Variants in NHSL2 observed in about 807,000 individuals in gnomAD.
The protein encoded by NHSL2 is NHS like 2.
A neutral mutation model predicts 53.4 loss-of-function variants in NHSL2; 27 were observed. That is an observed-to-expected ratio of 0.51 (90% CI 0.37 to 0.70). The LOEUF (loss-of-function observed/expected upper bound fraction) is 0.70, where lower values mean the gene tolerates loss of function less well. Among genes scored for constraint, NHSL2 ranks in the 30% least tolerant of loss-of-function variants. The pLI is 0.00. For missense variants in NHSL2, 892 were observed against 980.1 expected, an observed-to-expected ratio of 0.91 and a Z score of 1.20; for synonymous variants, 408 against 404.1, an observed-to-expected ratio of 1.01 and a Z score of -0.12.
At chrX:72,017,400 T>C (rs1434372656) in intron 1 of NHSL2, among the ~76,000 whole-genome samples, 1 of 112,745 alleles carries the variant, frequency 8.9e-6, no homozygotes, top group African/African-American at 3.2e-5. Flanking sequence ...GCTGCACAGG[T>C]GTTGATGCCT....
In NHSL2 at chrX:72,144,704, G is replaced by GCGCACA. The variant is rs1447345088; in HGVS notation, c.*1131_*1132insGCACAC. 1 of 147,443 alleles carries GCGCACA rather than the reference G, an allele frequency of 6.8e-6. No homozygotes were observed. The highest frequency in any genetic ancestry group is 3.7e-5 in the African/African-American group (1 of 27,234). The allele number at this position is 147,443 out of a possible 1,213,427, so 12.2% of individuals were successfully genotyped here. A position where few individuals can be genotyped will look rare whatever the true frequency, so the allele number is the denominator to read the frequency against. On this transcript the variant is annotated 3_prime_UTR_variant, in exon 8 of 8. Transcript: ENST00000633930. Reference sequence around the variant, plus strand: ...CTTGCCAGTTGCTATGGCCCATAATGCACACACACACACACACACACACAC... The same window carrying GCGCACA: ...CTTGCCAGTTGCTATGGCCCATAATGCGCACACACACACACACACACACACACACAC...
chrX:72,035,613 TC>T lies in NHSL2; in HGVS notation c.281-96463del, dbSNP rs770403274. 4.5e-5 allele frequency among the ~76,000 whole-genome samples: 5 copies of T among 111,959 alleles called. No homozygotes were observed. The South Asian group carries it at 1.8e-3, about 41-fold the overall frequency. The stretch of plus-strand genomic sequence containing the variant: ...TATCTACCTTTATGCCCTTTTAGCC[TC>T]CCTTATTTATAATTATCTTAAATAT... On this transcript the variant is annotated intron_variant, in intron 1 of 7. Coordinates refer to ENST00000633930, the MANE Select transcript of NHSL2 (RefSeq NM_001013627.3).
intron 1 of NHSL2, among the ~76,000 whole-genome samples, chrX:71,920,954 G>A (rs1406315008): frequency 1.8e-5 from 2 of 108,612 alleles, no homozygotes; most frequent in African/African-American, 3.3e-5. Context: ...ACAGGTACCC[G>A]CCACCATGCC....
chrX:72,003,016 A>G (rs951755976), intron 1 of NHSL2, among the ~76,000 whole-genome samples: 2 of 110,172 alleles, frequency 1.8e-5, no homozygotes, highest in African/African-American at 6.6e-5. Flanking sequence ...GCGCACAGAG[A>G]TTGTGCTATT....
At chrX:71,925,295 C>T (rs1217438667) in intron 1 of NHSL2, among the ~76,000 whole-genome samples, 1 of 111,686 alleles carries the variant, frequency 9.0e-6, no homozygotes, top group East Asian at 2.8e-4. Context: ...TTAGGTTTCC[C>T]ACCAGACTCC....
chrX:72,048,517 A>T (rs2042318373), intron 1 of NHSL2, among the ~76,000 whole-genome samples: 1 of 110,023 alleles, frequency 9.1e-6, no homozygotes, highest in South Asian at 4.0e-4. Context: ...AAAAGGTGAC[A>T]TAATGCCACT....
In NHSL2 at chrX:71,956,081, G is replaced by A. The variant is rs184921677; in HGVS notation, c.280+44714G>A. Among the ~76,000 whole-genome samples, 176 of 111,688 alleles carry A rather than the reference G, an allele frequency of 1.6e-3. 1 individual carries two copies. Among genetic ancestry groups the A allele is most frequent in the Admixed American group, 5.8e-3 (61 of 10,598 alleles). ...ACAGGGTGGAACAACTGCTGATTTT[G>A]AACAACAAAGCTACTTGGAGGCCAC... On this transcript the variant is annotated intron_variant, in intron 1 of 7. Transcript: ENST00000633930.
intron 1 of NHSL2, among the ~76,000 whole-genome samples, chrX:72,044,204 T>A (rs1019734992): frequency 8.9e-6 from 1 of 111,895 alleles, no homozygotes; most frequent in African/African-American, 3.3e-5. Context: ...ATCAGGAACC[T>A]AAAGAAGTGG....
chrX:72,002,500 C>T (rs1325143741), intron 1 of NHSL2, among the ~76,000 whole-genome samples: 1 of 112,322 alleles, frequency 8.9e-6, no homozygotes, highest in Non-Finnish European at 1.9e-5. Context: ...AATGTAACAT[C>T]TATTAAGAGA....
In NHSL2 at chrX:72,116,889, G is replaced by A. The variant is rs150253649; in HGVS notation, c.281-15190G>A. Among the ~76,000 whole-genome samples the A allele has an allele frequency of 7.4e-4, 83 of 111,862 alleles. 1 individual carries two copies. The East Asian group carries it at 0.022, about 30-fold the overall frequency. Reference sequence around the variant, plus strand: ...CTGAGAAACTTGGCTAGCTGTTATGGGAAAGTCTGACTATTTTTTGAGAGT... The same window carrying A: ...CTGAGAAACTTGGCTAGCTGTTATGAGAAAGTCTGACTATTTTTTGAGAGT... On this transcript the variant is annotated intron_variant, in intron 1 of 7. Transcript: ENST00000633930.
At chrX:72,063,518 C>T (rs2042410930) in intron 1 of NHSL2, among the ~76,000 whole-genome samples, 1 of 112,289 alleles carries the variant, frequency 8.9e-6, no homozygotes, top group Admixed American at 9.4e-5. Flanking sequence ...CCCCTCAAAG[C>T]AGTTTTTAAC....
chrX:72,020,399 C>A (rs1055225365), intron 1 of NHSL2, among the ~76,000 whole-genome samples: 1 of 112,933 alleles, frequency 8.9e-6, no homozygotes, highest in African/African-American at 3.2e-5. Context: ...AAAACTCTGA[C>A]TCTTTAACCA....
intron 1 of NHSL2, among the ~76,000 whole-genome samples, chrX:72,090,089 G>A (rs1161212810): frequency 1.8e-5 from 2 of 110,802 alleles, no homozygotes; most frequent in Non-Finnish European, 3.8e-5. Context: ...TTTGAGACTG[G>A]GTCTTGCTCT....
chrX:72,132,227 G>A lies in NHSL2; in HGVS notation c.429G>A (p.Leu143=). Residue 143 remains leucine, a synonymous_variant, in exon 2 of 8, where the codon CTG becomes CTA. Coordinates refer to ENST00000633930, the MANE Select transcript of NHSL2 (RefSeq NM_001013627.3). The stretch of plus-strand genomic sequence containing the variant: ...AGGCGCAGCTCAATCTCCAGAGCCT[G>A]TTGCAAGGTACCGAGAGGGAGGGGG... ...LREAQLNLQS[L]LQEEYEEQYS... is the part of the protein sequence containing the mutation. 8.6e-7 allele frequency: 1 copy of A among 1,158,772 alleles called. No homozygotes were observed. The highest frequency in any genetic ancestry group is 1.9e-5 in the South Asian group (1 of 51,475).
intron 1 of NHSL2, among the ~76,000 whole-genome samples, chrX:72,065,328 C>T (rs777547148): frequency 9.8e-5 from 11 of 112,226 alleles, no homozygotes; most frequent in Admixed American, 1.9e-4. Flanking sequence ...TGGCCCATCC[C>T]GCAAAGAATT....
At chrX:72,067,822 C>T (rs2147944727) in intron 1 of NHSL2, among the ~76,000 whole-genome samples, 1 of 111,886 alleles carries the variant, frequency 8.9e-6, no homozygotes, top group African/African-American at 3.2e-5. Context: ...TTATCTGTTG[C>T]CCCCACTAGG....
At chrX:72,130,886 G>A (rs1451453037) in intron 1 of NHSL2, 1 of 1,211,741 alleles carries the variant, frequency 8.3e-7, no homozygotes, top group Non-Finnish European at 1.1e-6. Context: ...TCCAGGAAGC[G>A]CGGGAAGTTG....
intron 1 of NHSL2, among the ~76,000 whole-genome samples, chrX:72,096,240 G>C (rs1172523358): frequency 9.0e-6 from 1 of 111,652 alleles, no homozygotes; most frequent in Non-Finnish European, 1.9e-5. Flanking sequence ...GGTAAGAAAT[G>C]GCCAGATTCT....
rs1403278233 is a variant in NHSL2, at chrX:72,094,639, C to T, written c.281-37440C>T. On this transcript the variant is annotated intron_variant, in intron 1 of 7. Coordinates refer to ENST00000633930, the MANE Select transcript of NHSL2 (RefSeq NM_001013627.3). ...ATAACCTCCATGGGAAGAGACTTTG[C>T]ACCCCAATTCACTAAGAGCCCCTTC... Among the ~76,000 whole-genome samples the T allele has an allele frequency of 2.7e-5, 3 of 111,093 alleles. No individual in the cohort carries two copies. In the East Asian group the frequency reaches 8.5e-4, roughly 31 times the overall value.
Sources: allele counts gnomAD v4.1 joint callset (sites outside exome capture counted in the v4.1 genomes callset), GRCh38; gene constraint gnomAD v4.1.1; transcripts MANE v1.5; gene names NCBI Gene and HGNC (gene_info 2026-07-23, HGNC 2026-07-21).